The following GLIS3 variants were observed in gnomAD, a reference collection of about 807,000 sequenced individuals.
GLIS3 encodes GLIS family zinc finger 3.
A neutral mutation model predicts 78.6 loss-of-function variants in GLIS3; 53 were observed. That is an observed-to-expected ratio of 0.67 (90% CI 0.54 to 0.85). The LOEUF is 0.85. Among genes scored for constraint, GLIS3 ranks in the 40% least tolerant of loss-of-function variants. GLIS3 has a pLI of 0.00. For missense variants in GLIS3, 1,703 were observed against 1,231.1 expected, an observed-to-expected ratio of 1.38 and a Z score of -5.74; for synonymous variants, 684 against 509.9, an observed-to-expected ratio of 1.34 and a Z score of -4.60.
At chr9:3,871,911 G>A (rs1389840668) in intron 8 of GLIS3, among the ~76,000 whole-genome samples, 1 of 152,166 alleles carries the variant, frequency 6.6e-6, no homozygotes, top group Non-Finnish European at 1.5e-5. Context: ...TGCATTGCCA[G>A]GCTGCAAATT....
chr9:4,478,845 T>G, the GLIS3 span, among the ~76,000 whole-genome samples: 1 of 152,230 alleles, frequency 6.6e-6, no homozygotes. Flanking sequence ...TGTGAAGGGT[T>G]GATGGTGAAT....
At chr9:4,462,655 A>ACG in the GLIS3 span, among the ~76,000 whole-genome samples, 3 of 151,318 alleles carry the variant, frequency 2.0e-5, no homozygotes, top group African/African-American at 7.3e-5. Flanking sequence ...ACACACACAC[A>ACG]CACACACATT....
At chr9:3,916,414 C>CAA (rs1824516998) in intron 6 of GLIS3, among the ~76,000 whole-genome samples, 1 of 152,232 alleles carries the variant, frequency 6.6e-6, no homozygotes, top group Non-Finnish European at 1.5e-5. Context: ...ACCGGGGTGT[C>CAA]CCCCTGCGCC....
At chr9:4,288,537 C>T (rs957890842) in intron 1 of GLIS3, among the ~76,000 whole-genome samples, 5 of 151,906 alleles carry the variant, frequency 3.3e-5, no homozygotes, top group African/African-American at 9.7e-5. Flanking sequence ...GAATTCTCAT[C>T]AAAAAATCTG....
At chr9:3,870,682 G>T (rs1820916699) in intron 8 of GLIS3, among the ~76,000 whole-genome samples, 1 of 152,170 alleles carries the variant, frequency 6.6e-6, no homozygotes, top group Non-Finnish European at 1.5e-5. Context: ...CAGTATGAGG[G>T]AAACAAACCC....
chr9:4,317,194 C>T (rs1563930681), intron 2 of GLIS3, among the ~76,000 whole-genome samples: 3 of 152,250 alleles, frequency 2.0e-5, no homozygotes, highest in Non-Finnish European at 4.4e-5. Flanking sequence ...CTTTAAGTAC[C>T]GGTCTTTACA....
At chr9:3,979,795 CT>C (rs1819101189) in intron 4 of GLIS3, among the ~76,000 whole-genome samples, 1 of 152,188 alleles carries the variant, frequency 6.6e-6, no homozygotes, top group Non-Finnish European at 1.5e-5. Flanking sequence ...TGAGTGCCTA[CT>C]TTAAAAAGAT....
chr9:3,867,982 G>T (rs1395398217), intron 8 of GLIS3, among the ~76,000 whole-genome samples: 1 of 152,206 alleles, frequency 6.6e-6, no homozygotes, highest in Non-Finnish European at 1.5e-5. Flanking sequence ...TGAGCCCCCA[G>T]AGGGGACACT....
At chr9:4,264,278 C>T (rs1034380053) in intron 2 of GLIS3, among the ~76,000 whole-genome samples, 2 of 152,144 alleles carry the variant, frequency 1.3e-5, no homozygotes, top group Non-Finnish European at 2.9e-5. Context: ...GCTCTACCTT[C>T]AAAACCTACT....
chr9:4,116,989 C>A (rs1175732714), intron 4 of GLIS3, among the ~76,000 whole-genome samples: 1 of 152,064 alleles, frequency 6.6e-6, no homozygotes, highest in Non-Finnish European at 1.5e-5. Context: ...ATTTAAGAAT[C>A]GTATTATTCA....
At chr9:4,036,262 A>G (rs1824293538) in intron 4 of GLIS3, among the ~76,000 whole-genome samples, 1 of 152,130 alleles carries the variant, frequency 6.6e-6, no homozygotes, top group South Asian at 2.1e-4. Flanking sequence ...AGAACACAGA[A>G]ATCAAATCTC....
chr9:4,122,194 G>T (rs953570138), intron 3 of GLIS3, among the ~76,000 whole-genome samples: 1 of 152,218 alleles, frequency 6.6e-6, no homozygotes, highest in South Asian at 2.1e-4. Flanking sequence ...TGATGACCAT[G>T]TTAGATGTTT....
At chr9:3,900,175 A>T (rs1287046907) in intron 6 of GLIS3, among the ~76,000 whole-genome samples, 2 of 148,064 alleles carry the variant, frequency 1.4e-5, no homozygotes, top group African/African-American at 2.5e-5. Flanking sequence ...CTTGACTTGA[A>T]CAGAAACTGT....
At chr9:4,041,955 T>C (rs144373131) in intron 4 of GLIS3, among the ~76,000 whole-genome samples, 2 of 152,252 alleles carry the variant, frequency 1.3e-5, no homozygotes, top group East Asian at 1.9e-4. Context: ...CTGGACAAGT[T>C]TGATGTGATT....
At chr9:4,254,558 GACCCAGCA>G (rs1313033645) in intron 2 of GLIS3, among the ~76,000 whole-genome samples, 2 of 152,182 alleles carry the variant, frequency 1.3e-5, no homozygotes, top group African/African-American at 4.8e-5. Context: ...GATAAGAAAT[GACCCAGCA>G]CGGTGGCTCA....
At chr9:4,126,776 T>G (rs1177571232) in intron 2 of GLIS3, among the ~76,000 whole-genome samples, 2 of 152,198 alleles carry the variant, frequency 1.3e-5, no homozygotes, top group Admixed American at 1.3e-4. Flanking sequence ...ATGCACTTTT[T>G]CAAACTTTTT....
chr9:4,293,177 T>C (rs1369144662), intron 1 of GLIS3, among the ~76,000 whole-genome samples: 3 of 152,196 alleles, frequency 2.0e-5, no homozygotes, highest in Non-Finnish European at 4.4e-5. Flanking sequence ...ACTTAGTCCA[T>C]ATGACTAAGT....
At chr9:4,443,105 C>A in the GLIS3 span, among the ~76,000 whole-genome samples, 1 of 152,100 alleles carries the variant, frequency 6.6e-6, no homozygotes, top group Non-Finnish European at 1.5e-5. Context: ...CTTTATGAAA[C>A]ATTGAGTCCC....
At chr9:4,194,044 T>TTTTA (rs560947840) in intron 2 of GLIS3, among the ~76,000 whole-genome samples, 150 of 152,274 alleles carry the variant, frequency 9.9e-4, no homozygotes, top group African/African-American at 3.3e-3. Flanking sequence ...GCCGCTTTAT[T>TTTTA]TTTATTTATT....
Sources: allele counts gnomAD v4.1 joint callset (sites outside exome capture counted in the v4.1 genomes callset), GRCh38; gene constraint gnomAD v4.1.1; transcripts MANE v1.5; gene names NCBI Gene and HGNC (gene_info 2026-07-23, HGNC 2026-07-21).